ZNF131: variants seen among roughly 807,000 people sequenced by gnomAD.
ZNF131 encodes the protein zinc finger protein 131.
Under a neutral mutation model 60.0 loss-of-function variants are expected in ZNF131, and 7 were observed. The ratio of observed to expected loss-of-function variants is 0.12; its 90% CI spans 0.07 to 0.22. The LOEUF is 0.22. Among genes scored for constraint, ZNF131 ranks in the 10% least tolerant of loss-of-function variants. The pLI is 1.00. For missense variants in ZNF131, 493 were observed against 740.9 expected (o/e 0.67, Z 3.88); for synonymous variants, 257 against 253.2 (o/e 1.01, Z -0.14).
intron 4 of ZNF131, among the ~76,000 whole-genome samples, chr5:43,144,395 A>AT (rs906677002): frequency 8.0e-5 from 12 of 150,216 alleles, no homozygotes; most frequent in African/African-American, 2.4e-4. Context: ...CGCCCAACTA[A>AT]TTTTTTTTAC....
At chr5:43,155,816 C>T (rs34552214) in intron 4 of ZNF131, among the ~76,000 whole-genome samples, 14,771 of 152,128 alleles carry the variant, frequency 0.097, 853 homozygotes, top group East Asian at 0.19. Context: ...ATAAACTTTA[C>T]CTGATGAGTA....
intron 3 of ZNF131, among the ~76,000 whole-genome samples, chr5:43,128,793 C>T (rs1016426028): frequency 2.7e-5 from 4 of 149,916 alleles, no homozygotes; most frequent in African/African-American, 9.7e-5. Context: ...GCTCTGTCAC[C>T]CAGGCTGGAG....
intron 4 of ZNF131, among the ~76,000 whole-genome samples, chr5:43,143,982 G>A (rs1249855186): frequency 4.6e-5 from 6 of 129,880 alleles, no homozygotes; most frequent in African/African-American, 1.7e-4. Flanking sequence ...GAATGCAGTG[G>A]TGCGATCTTG....
rs59888761 is a variant in ZNF131, at chr5:43,175,719, TAAAA to T, written c.*598_*601del. The T allele has an allele frequency of 1.8e-5, 4 of 226,046 alleles. No individual in the cohort carries two copies. Among genetic ancestry groups the T allele is most frequent in the Admixed American group, 5.9e-5 (1 of 16,826 alleles). The allele number at this position is 226,046 out of a possible 1,614,324, so 14.0% of individuals were successfully genotyped here. On this transcript the variant is annotated 3_prime_UTR_variant, in exon 7 of 7. Coordinates refer to ENST00000682664, the MANE Select transcript of ZNF131 (RefSeq NM_001330707.2). ...GGTGGTGGCAAAATTTCTAGAATGT[TAAAA>T]AAAAAAAAAAATCCACACCCATGTG...
intron 5 of ZNF131, among the ~76,000 whole-genome samples, chr5:43,162,940 CATGT>C (rs749295769): frequency 0.074 from 8,119 of 109,690 alleles, 544 homozygotes; most frequent in Non-Finnish European, 0.11. Flanking sequence ...CAATCCCTGA[CATGT>C]TTATACTTCT....
rs1274568758 is a variant in ZNF131 at position 43,175,768 on chromosome 5, A to T, written c.*635A>T. ...CATGTGCCTTCTCAAAACCAACTGA[A>T]CTTCTATAAAGCATCTCTGGTTCTT... On this transcript the variant is annotated 3_prime_UTR_variant, in exon 7 of 7. Transcript: ENST00000682664. 2 of 269,026 alleles carry T rather than the reference A, an allele frequency of 7.4e-6. No individual in the cohort carries two copies. The highest frequency in any genetic ancestry group is 1.4e-5 in the Non-Finnish European group (2 of 142,996). The allele number at this position is 269,026 out of a possible 1,614,324, so 16.7% of individuals were successfully genotyped here. A position where few individuals can be genotyped will look rare whatever the true frequency, so the allele number is the denominator to read the frequency against.
At chr5:43,173,643 TAAC>T (rs1751259454) in intron 6 of ZNF131, among the ~76,000 whole-genome samples, 195 bp downstream of exon 6, 1 of 152,086 alleles carries the variant, frequency 6.6e-6, no homozygotes, top group Non-Finnish European at 1.5e-5. Flanking sequence ...CCAATGTCAA[TAAC>T]AACTATGTCC....
At chr5:43,169,581 T>C (rs1171696358) in intron 5 of ZNF131, among the ~76,000 whole-genome samples, 1 of 152,178 alleles carries the variant, frequency 6.6e-6, no homozygotes. Context: ...TATGGAACAT[T>C]TATGAGTATT....
At chr5:43,134,722 CAG>C (rs369425375) in intron 3 of ZNF131, among the ~76,000 whole-genome samples, 3 of 93,564 alleles carry the variant, frequency 3.2e-5, no homozygotes, top group African/African-American at 1.3e-4. Flanking sequence ...TTTTGGGAGA[CAG>C]AGTTTCACTC....
chr5:43,138,402 C>T (rs1366139658), intron 3 of ZNF131, among the ~76,000 whole-genome samples: 2 of 151,976 alleles, frequency 1.3e-5, no homozygotes, highest in Non-Finnish European at 2.9e-5. Flanking sequence ...GCCTGTAATC[C>T]CAGCACTTTG....
At chr5:43,144,207 C>A (rs1352941412) in intron 4 of ZNF131, among the ~76,000 whole-genome samples, 3 of 147,672 alleles carry the variant, frequency 2.0e-5, no homozygotes, top group African/African-American at 7.5e-5. Flanking sequence ...CAGGCGTGAG[C>A]CACGGCGCCT....
chr5:43,165,346 T>C (rs1750220024), intron 5 of ZNF131, among the ~76,000 whole-genome samples: 1 of 152,148 alleles, frequency 6.6e-6, no homozygotes, highest in South Asian at 2.1e-4. Context: ...CCTTACATGG[T>C]TTTATCCTCT....
Position 43,144,629 on chromosome 5 carries a change from A to G in ZNF131, c.371+5320A>G, listed in dbSNP as rs558019308. Among the ~76,000 whole-genome samples, 5 of 152,086 alleles carry G rather than the reference A, an allele frequency of 3.3e-5. No individual in the cohort carries two copies. The South Asian group carries it at 6.2e-4, about 19-fold the overall frequency. On this transcript the variant is annotated intron_variant, in intron 4 of 6. Transcript: ENST00000682664. The stretch of plus-strand genomic sequence containing the variant: ...GATAGCCCAAACTTGTAATGCCACC[A>G]CAGTAGTTGCAATGATAAACAGTTG...
intron 5 of ZNF131, among the ~76,000 whole-genome samples, chr5:43,170,849 C>G (rs916078709): frequency 2.3e-4 from 34 of 148,292 alleles, no homozygotes; most frequent in Admixed American, 2.0e-3. Context: ...ATTGACCAGG[C>G]TGATCTCGAA....
At chr5:43,134,794 G>C (rs1198954554) in intron 3 of ZNF131, among the ~76,000 whole-genome samples, 5 of 135,656 alleles carry the variant, frequency 3.7e-5, no homozygotes, top group Admixed American at 8.4e-5. Flanking sequence ...TCCGCCTCCT[G>C]GGTTCAAATG....
At chr5:43,139,368 G>A in intron 4 of ZNF131, 59 bp downstream of exon 4, 2 of 1,434,744 alleles carry the variant, frequency 1.4e-6, no homozygotes, top group Non-Finnish European at 1.8e-6. Context: ...CATTCTGTTA[G>A]TGAAGAACTT....
intron 2 of ZNF131, among the ~76,000 whole-genome samples, chr5:43,122,395 G>A (rs749627217): frequency 6.6e-6 from 1 of 152,134 alleles, no homozygotes; most frequent in African/African-American, 2.4e-5. Flanking sequence ...TGCCTTCCAC[G>A]TAGTCTGGTG....
At chr5:43,162,591 TA>T (rs35784533) in intron 5 of ZNF131, among the ~76,000 whole-genome samples, 7,113 of 89,232 alleles carry the variant, frequency 0.08, 273 homozygotes, top group South Asian at 0.19. Flanking sequence ...GACTCCATCT[TA>T]AAAAAAAAAA....
At chr5:43,141,628 C>G (rs1746833839) in intron 4 of ZNF131, among the ~76,000 whole-genome samples, 1 of 151,966 alleles carries the variant, frequency 6.6e-6, no homozygotes, top group African/African-American at 2.4e-5. Context: ...AATTAGCTGG[C>G]ACTGTGGCGT....
Sources: gnomAD v4.1 joint callset for allele counts (sites outside exome capture counted in the v4.1 genomes callset) on GRCh38, gnomAD v4.1.1 for gene constraint, MANE v1.5 for transcripts, NCBI Gene and HGNC (gene_info 2026-07-23, HGNC 2026-07-21) for gene names.